Variants in MFSD11 observed in about 807,000 individuals in gnomAD.
The protein encoded by MFSD11 is major facilitator superfamily domain containing 11.
In MFSD11, 36 loss-of-function variants were observed where a neutral mutation model predicts 53.5. The ratio of observed to expected loss-of-function variants is 0.67; its 90% CI spans 0.52 to 0.89. MFSD11 has a LOEUF of 0.89. Ranked by LOEUF, MFSD11 falls within the 40% of genes least tolerant of loss-of-function variation. The probability of loss-of-function intolerance (pLI) is 0.00; values close to 1 mark genes in which losing one functional copy is unlikely to be tolerated. For missense variants in MFSD11, 530 were observed against 543.9 expected (o/e 0.97, Z 0.25); for synonymous variants, 186 against 184.9 (o/e 1.01, Z -0.05).
At chr17:76,779,910 A>G (rs1042327852), downstream of MFSD11, among the ~76,000 whole-genome samples, 1 of 152,208 alleles carries the variant, frequency 6.6e-6, no homozygotes, top group South Asian at 2.1e-4. Context: ...GAAACCCCCA[A>G]ACAAACCTGG....
chr17:76,749,617 C>CACGGTG (rs1210586203), intron 7 of MFSD11, among the ~76,000 whole-genome samples: 1 of 151,222 alleles, frequency 6.6e-6, no homozygotes, highest in Non-Finnish European at 1.5e-5. Context: ...GCAGGCTGGG[C>CACGGTG]ACGGTGACTT....
downstream of MFSD11, among the ~76,000 whole-genome samples, chr17:76,784,349 C>T (rs2082241169): frequency 6.6e-6 from 1 of 151,694 alleles, no homozygotes; most frequent in African/African-American, 2.4e-5. Flanking sequence ...TCCTGGCCAA[C>T]ACAGTGAAAC....
chr17:76,755,089 C>T (rs1028691675), intron 8 of MFSD11, among the ~76,000 whole-genome samples: 8 of 151,794 alleles, frequency 5.3e-5, no homozygotes, highest in Non-Finnish European at 2.9e-5. Flanking sequence ...TGGTGGCGGG[C>T]GCCTGTGGTC....
At chr17:76,736,732 T>C (rs1055133139), upstream of MFSD11, 12 of 1,382,956 alleles carry the variant, frequency 8.7e-6, no homozygotes, top group Admixed American at 3.1e-4. Flanking sequence ...CCGCGGACCT[T>C]TGTGAGGTCG....
At chr17:76,743,659 C>G (rs1159840199) in intron 6 of MFSD11, among the ~76,000 whole-genome samples, 2 of 152,128 alleles carry the variant, frequency 1.3e-5, no homozygotes, top group South Asian at 2.1e-4. Context: ...TCTTGTTACC[C>G]AGGCTGGAAT....
chr17:76,777,125 G>A (rs1320881004), intron 12 of MFSD11, among the ~76,000 whole-genome samples: 16 of 152,054 alleles, frequency 1.1e-4, no homozygotes, highest in East Asian at 5.8e-4. Context: ...AAAATTAGCC[G>A]GGCGTGGTGG....
intron 10 of MFSD11, among the ~76,000 whole-genome samples, chr17:76,773,669 G>C (rs569539193): frequency 6.6e-6 from 1 of 151,966 alleles, no homozygotes; most frequent in Admixed American, 6.6e-5. Context: ...GTGCAGTGGC[G>C]CAATCTTGGC....
chr17:76,788,547 G>GT, the MFSD11 span, among the ~76,000 whole-genome samples: 2 of 148,904 alleles, frequency 1.3e-5, no homozygotes, highest in African/African-American at 4.9e-5. Context: ...TGTATTTTTA[G>GT]TAGAGACGGG....
chr17:76,737,231 C>A, upstream of MFSD11: 11 of 1,463,966 alleles, frequency 7.5e-6, no homozygotes, highest in Non-Finnish European at 1.0e-5. Flanking sequence ...TGCGACGCCG[C>A]GCCTCTCAGG....
chr17:76,756,179 C>T (rs1390016497), intron 8 of MFSD11, among the ~76,000 whole-genome samples: 1 of 145,996 alleles, frequency 6.8e-6, no homozygotes, highest in Non-Finnish European at 1.5e-5. Context: ...CTGGAGTGCA[C>T]TGGCACCATC....
the MFSD11 span, among the ~76,000 whole-genome samples, chr17:76,793,650 A>G: frequency 6.6e-6 from 1 of 151,530 alleles, no homozygotes; most frequent in African/African-American, 2.5e-5. Context: ...TCACAAGGGT[A>G]TTGATTGGGG....
At chr17:76,741,607 A>G (rs1274283462) in intron 3 of MFSD11, among the ~76,000 whole-genome samples, 1 of 152,086 alleles carries the variant, frequency 6.6e-6, no homozygotes, top group Non-Finnish European at 1.5e-5. Flanking sequence ...CAACATGGTG[A>G]AACCCTTGTC....
the MFSD11 span, among the ~76,000 whole-genome samples, chr17:76,799,954 C>CTTTTTTTTTTTTTTTTTTTTTTTTTT: frequency 2.3e-5 from 2 of 87,302 alleles, no homozygotes; most frequent in African/African-American, 8.3e-5. Flanking sequence ...TTTTCTTTTT[C>CTTTTTTTTTTTTTTTTTTTTTTTTTT]CTTTTTTTTT....
intron 7 of MFSD11, among the ~76,000 whole-genome samples, chr17:76,745,115 G>A (rs2078420428): frequency 6.6e-6 from 1 of 152,150 alleles, no homozygotes; most frequent in Non-Finnish European, 1.5e-5. Context: ...TTAGATTTGA[G>A]GAAGGAGAGA....
rs1432844497 is a variant in MFSD11, at chr17:76,738,469, C to T, written c.96+21C>T. On this transcript the variant is annotated intron_variant, in intron 1 of 12. Transcript: ENST00000685175. ...TGGCGGTGAGTTGGAATCTGTCCTC[C>T]CTCCTTTGAAGTGCCCATCATAATG... The T allele has an allele frequency of 3.8e-6, 6 of 1,570,464 alleles. No individual in the cohort carries two copies. In the African/African-American group the frequency reaches 4.0e-5, roughly 11 times the overall value.
At chr17:76,782,122 T>C (rs570207301), downstream of MFSD11, among the ~76,000 whole-genome samples, 3 of 151,962 alleles carry the variant, frequency 2.0e-5, no homozygotes, top group South Asian at 2.1e-4. Flanking sequence ...TGCTTTTTTT[T>C]CTCCCCCGCC....
At chr17:76,752,490 A>G (rs1160597364) in intron 7 of MFSD11, among the ~76,000 whole-genome samples, 1 of 150,434 alleles carries the variant, frequency 6.6e-6, no homozygotes, top group African/African-American at 2.5e-5. Flanking sequence ...AGCGATTCTC[A>G]TGTCAGCCTC....
chr17:76,789,473 C>T, the MFSD11 span, among the ~76,000 whole-genome samples: 14 of 150,070 alleles, frequency 9.3e-5, 1 homozygote, highest in East Asian at 2.7e-3. Flanking sequence ...GTTAAACTCC[C>T]ATTTTGCCTC....
At chr17:76,771,483 C>T (rs970541910) in intron 10 of MFSD11, among the ~76,000 whole-genome samples, 2 of 152,162 alleles carry the variant, frequency 1.3e-5, no homozygotes, top group Admixed American at 6.5e-5. Context: ...ACAAAATAGA[C>T]AAAAATACCT....
Sources: allele counts gnomAD v4.1 joint callset (sites outside exome capture counted in the v4.1 genomes callset), GRCh38; gene constraint gnomAD v4.1.1; transcripts MANE v1.5; gene names NCBI Gene and HGNC (gene_info 2026-07-23, HGNC 2026-07-21).